The following SSU72 variants were observed in gnomAD, a reference collection of about 807,000 sequenced individuals.
The protein encoded by SSU72 is SSU72 homolog, RNA polymerase II CTD phosphatase.
SSU72 carries 12 observed loss-of-function variants against 22.7 expected under a neutral mutation model. The ratio of observed to expected loss-of-function variants is 0.53; its 90% CI spans 0.34 to 0.86. The LOEUF is 0.86. Among genes scored for constraint, SSU72 ranks in the 40% least tolerant of loss-of-function variants. The pLI, the probability that SSU72 is intolerant of heterozygous loss-of-function variation, is 0.02. For missense variants in SSU72, 151 were observed against 249.8 expected (o/e 0.60, Z 2.67); for synonymous variants, 116 against 98.3 (o/e 1.18, Z -1.06).
chr1:1,553,257 C>G (rs1407613429), intron 2 of SSU72, among the ~76,000 whole-genome samples: 1 of 152,084 alleles, frequency 6.6e-6, no homozygotes, highest in Non-Finnish European at 1.5e-5. Flanking sequence ...CTCGGCCCCT[C>G]TGTGCCCCCT....
intron 2 of SSU72, among the ~76,000 whole-genome samples, chr1:1,548,688 T>A (rs571539463): frequency 6.6e-6 from 1 of 152,182 alleles, no homozygotes; most frequent in East Asian, 1.9e-4. Context: ...GGCTTCCACA[T>A]GGACCGCGGT....
At position 1,541,726 on chromosome 1, in the gene SSU72, C is replaced by A; in HGVS notation, c.*340G>T. On this transcript the variant is annotated 3_prime_UTR_variant, in exon 5 of 5. Coordinates refer to ENST00000291386, the MANE Select transcript of SSU72 (RefSeq NM_014188.3). ...CCAGGTCATTCCTAACACGCCGCAG[C>A]AGGGCTCTGTACAGTCCGGCCCGGT... The A allele has an allele frequency of 3.7e-6, 1 of 269,522 alleles. No homozygotes were observed. 16.7% of individuals were successfully genotyped at this position (269,522 alleles called of 1,614,324 possible).
chr1:1,573,139 A>C (rs1019457464), intron 1 of SSU72, among the ~76,000 whole-genome samples: 1 of 147,622 alleles, frequency 6.8e-6, no homozygotes, highest in Non-Finnish European at 1.5e-5. Flanking sequence ...AAATACAAAA[A>C]AAGCCGGGCG....
intron 1 of SSU72, among the ~76,000 whole-genome samples, chr1:1,567,586 G>T (rs1368640433): frequency 1.3e-5 from 2 of 152,156 alleles, no homozygotes; most frequent in African/African-American, 4.8e-5. Context: ...GCATACCACA[G>T]GGAGCACACG....
chr1:1,544,190 T>C (rs1557494275), intron 3 of SSU72, among the ~76,000 whole-genome samples: 1 of 152,102 alleles, frequency 6.6e-6, no homozygotes, highest in Non-Finnish European at 1.5e-5. Flanking sequence ...AATCTCCAAC[T>C]CAGCACAAGC....
In SSU72 at chr1:1,554,390, A is replaced by C. The variant is rs559329058; in HGVS notation, c.225-9388T>G. On this transcript the variant is annotated intron_variant, in intron 2 of 4. Transcript: ENST00000291386. This position sits in a 1 kb window ranked among gnomAD's most constrained non-coding sequence, Gnocchi z 4.1. ...GCTGAGCATGAGGCGGATCCGGCCC[A>C]TTTGGGGGTCCCCACGAGCCCTCGC... Among the ~76,000 whole-genome samples, 1 of 152,176 alleles carries C rather than the reference A, an allele frequency of 6.6e-6. No individual in the cohort carries two copies. The highest frequency in any genetic ancestry group is 2.4e-5 in the African/African-American group (1 of 41,508).
intron 2 of SSU72, among the ~76,000 whole-genome samples, chr1:1,547,339 C>T (rs1251761494): frequency 5.3e-5 from 8 of 152,206 alleles, no homozygotes; most frequent in Admixed American, 4.6e-4. Flanking sequence ...TCCTTTACGT[C>T]ATTCTCAACT....
chr1:1,566,211 T>C (rs1427194149), intron 1 of SSU72, among the ~76,000 whole-genome samples: 2 of 151,948 alleles, frequency 1.3e-5, no homozygotes, highest in African/African-American at 4.8e-5. Flanking sequence ...GTTGCAGACA[T>C]TGGAGATCTC....
chr1:1,568,570 C>T (rs1230825489), intron 1 of SSU72, among the ~76,000 whole-genome samples: 1 of 151,922 alleles, frequency 6.6e-6, no homozygotes, highest in East Asian at 1.9e-4. Context: ...GGTGCCACTG[C>T]ACTCCCGCCT....
chr1:1,558,034 T>G (rs1328102375), intron 2 of SSU72, among the ~76,000 whole-genome samples: 4 of 151,798 alleles, frequency 2.6e-5, no homozygotes, highest in Non-Finnish European at 4.4e-5. Context: ...AAACCCCATC[T>G]CTACTAAAAG....
chr1:1,558,367 C>G (rs880050), intron 2 of SSU72, among the ~76,000 whole-genome samples: 7,388 of 151,960 alleles, frequency 0.049, 513 homozygotes, highest in East Asian at 0.28. Flanking sequence ...CGCCCTGTCT[C>G]AAAACCAAAT....
At chr1:1,552,117 G>A (rs906278194) in intron 2 of SSU72, among the ~76,000 whole-genome samples, 3 of 152,166 alleles carry the variant, frequency 2.0e-5, no homozygotes, top group African/African-American at 4.8e-5. Context: ...GGAGGGCGCC[G>A]GCTGCCCCAG....
chr1:1,564,832 A>G lies in SSU72; in HGVS notation c.165T>C (p.Tyr55=). The change falls in exon 2 of 5, where the codon TAT becomes TAC. Residue 55 remains tyrosine, a synonymous_variant. Transcript: ENST00000291386. ...TCTGGTCATATGTGGTTTTGAAATC[A>G]TAAACATTGGGCTTGTCGGGAGCTG... ...PGPAPDKPNV[Y]DFKTTYDQMY... The G allele has an allele frequency of 6.2e-7, 1 of 1,614,180 alleles. No homozygotes were observed. Among genetic ancestry groups the G allele is most frequent in the Non-Finnish European group, 8.5e-7 (1 of 1,180,036 alleles).
intron 2 of SSU72, among the ~76,000 whole-genome samples, chr1:1,553,842 C>G (rs942380109): frequency 6.6e-6 from 1 of 151,352 alleles, no homozygotes; most frequent in Non-Finnish European, 1.5e-5. Flanking sequence ...TGGAGCAGGC[C>G]GCATCTGAAG....
At chr1:1,551,137 T>C (rs915230560) in intron 2 of SSU72, among the ~76,000 whole-genome samples, 1 of 152,156 alleles carries the variant, frequency 6.6e-6, no homozygotes, top group Non-Finnish European at 1.5e-5. Flanking sequence ...AAGCACACAC[T>C]GGATCTGGAC....
intron 2 of SSU72, among the ~76,000 whole-genome samples, chr1:1,555,160 C>T (rs1303232334): frequency 6.6e-6 from 1 of 152,304 alleles, no homozygotes; most frequent in African/African-American, 2.4e-5. Flanking sequence ...CCCTGCCACA[C>T]ACACAGAAGA....
chr1:1,563,536 TC>T (rs1642621690), intron 2 of SSU72: 2 of 49,726 alleles, frequency 4.0e-5, no homozygotes. Flanking sequence ...TGACTCCATC[TC>T]AAAAAAAAAA....
At position 1,555,418 on chromosome 1, in the gene SSU72, C is replaced by A. The variant is rs778345347; in HGVS notation, c.224+9355G>T. Among the ~76,000 whole-genome samples, 8 of 152,350 alleles carry A rather than the reference C, an allele frequency of 5.3e-5. No individual in the cohort carries two copies. In the East Asian group the frequency reaches 7.7e-4, roughly 15 times the overall value. ...CTGACCCAGATGCCAACAGCCTGGG[C>A]AGTGGCACCTCGGCCAAGAAAGGAG... is the stretch of plus-strand genomic sequence containing the variant. On this transcript the variant is annotated intron_variant, in intron 2 of 4. Coordinates refer to ENST00000291386, the MANE Select transcript of SSU72 (RefSeq NM_014188.3).
At chr1:1,557,782 A>C (rs927249983) in intron 2 of SSU72, among the ~76,000 whole-genome samples, 4 of 152,126 alleles carry the variant, frequency 2.6e-5, no homozygotes, top group Admixed American at 2.0e-4. Flanking sequence ...GGGGTGACAG[A>C]CTGAGACTCC....
Sources: allele counts gnomAD v4.1 joint callset (sites outside exome capture counted in the v4.1 genomes callset), GRCh38; gene constraint gnomAD v4.1.1; non-coding constraint Gnocchi (gnomAD v3.1); transcripts MANE v1.5; gene names NCBI Gene and HGNC (gene_info 2026-07-23, HGNC 2026-07-21).